Variants in NTRK2 observed in about 807,000 individuals in gnomAD.
The protein encoded by NTRK2 is BDNF/NT-3 growth factors receptor.
NTRK2 carries 13 observed loss-of-function variants against 94.5 expected under a neutral mutation model. The ratio of observed to expected loss-of-function variants is 0.14; its 90% CI spans 0.09 to 0.22. The LOEUF (loss-of-function observed/expected upper bound fraction) is 0.22, where lower values mean the gene tolerates loss of function less well. Among genes scored for constraint, NTRK2 ranks in the 10% least tolerant of loss-of-function variants. The pLI, the probability that NTRK2 is intolerant of heterozygous loss-of-function variation, is 1.00. For synonymous variants in NTRK2, 372 were observed against 407.4 expected (o/e 0.91, Z 1.05); for missense variants, 639 against 1,071.2 (o/e 0.60, Z 5.63).
intron 6 of NTRK2, among the ~76,000 whole-genome samples, chr9:84,717,300 AAACCCAACCTT>A (rs1384909481): frequency 2.6e-5 from 4 of 152,234 alleles, no homozygotes; most frequent in Admixed American, 2.0e-4. Flanking sequence ...AATGTTAGTA[AAACCCAACCTT>A]AACCCATCTT....
chr9:84,988,047 A>G (rs1483425147), intron 17 of NTRK2, among the ~76,000 whole-genome samples: 3 of 152,212 alleles, frequency 2.0e-5, no homozygotes, highest in Non-Finnish European at 4.4e-5. Context: ...CAATAGATAT[A>G]GTTCCACCCT....
intron 9 of NTRK2, among the ~76,000 whole-genome samples, 189 bp downstream of exon 9, chr9:84,728,148 C>A (rs908032154): frequency 1.3e-5 from 2 of 152,132 alleles, no homozygotes; most frequent in East Asian, 1.9e-4. Context: ...AATTCAGGGT[C>A]ATGAAGCAGC....
intron 17 of NTRK2, among the ~76,000 whole-genome samples, chr9:85,012,019 C>T (rs983265239): frequency 1.7e-5 from 1 of 60,026 alleles, no homozygotes; most frequent in African/African-American, 5.4e-5. Flanking sequence ...GATGGAGTCT[C>T]ACTCTGTCAC....
intron 17 of NTRK2, among the ~76,000 whole-genome samples, chr9:84,967,356 G>T (rs1180052549): frequency 1.3e-5 from 2 of 152,248 alleles, no homozygotes; most frequent in Non-Finnish European, 2.9e-5. Context: ...CTGCATGGTT[G>T]TGTATCTGTG....
chr9:84,781,523 A>T (rs1456396347), intron 12 of NTRK2, among the ~76,000 whole-genome samples: 1 of 152,144 alleles, frequency 6.6e-6, no homozygotes, highest in South Asian at 2.1e-4. Flanking sequence ...TGAAAATGTG[A>T]ATTTTGAGAT....
chr9:84,828,845 G>A (rs540520615), intron 12 of NTRK2, among the ~76,000 whole-genome samples: 41 of 152,188 alleles, frequency 2.7e-4, no homozygotes, highest in Non-Finnish European at 5.7e-4. Flanking sequence ...TAGTGCAGTA[G>A]GCTCCTGGGG....
chr9:84,938,747 C>G (rs1049959229), intron 15 of NTRK2, among the ~76,000 whole-genome samples: 1 of 151,976 alleles, frequency 6.6e-6, no homozygotes, highest in East Asian at 1.9e-4. Flanking sequence ...AAAATAATAG[C>G]CTTTTGATAA....
At chr9:84,973,964 T>C (rs1014955165) in intron 17 of NTRK2, among the ~76,000 whole-genome samples, 1 of 141,678 alleles carries the variant, frequency 7.1e-6, no homozygotes, top group Non-Finnish European at 1.5e-5. Context: ...TATTTCTTTG[T>C]CGACTGTTTA....
intron 17 of NTRK2, among the ~76,000 whole-genome samples, chr9:84,987,649 T>C (rs766731039): frequency 6.6e-6 from 1 of 151,998 alleles, no homozygotes; most frequent in Non-Finnish European, 1.5e-5. Flanking sequence ...AACTAAGCAA[T>C]GGTAAACATG....
At chr9:84,780,909 CTT>C (rs2067500204) in intron 12 of NTRK2, among the ~76,000 whole-genome samples, 1 of 152,052 alleles carries the variant, frequency 6.6e-6, no homozygotes, top group Non-Finnish European at 1.5e-5. Context: ...GTATGGCAGA[CTT>C]TGTGATATTT....
chr9:84,957,595 T>A (rs1042291403), intron 17 of NTRK2, among the ~76,000 whole-genome samples: 2 of 152,138 alleles, frequency 1.3e-5, no homozygotes, highest in Non-Finnish European at 2.9e-5. Context: ...CAATAGCAAG[T>A]GTTAGCCAGG....
chr9:84,948,068 T>G (rs1043250988), intron 15 of NTRK2, among the ~76,000 whole-genome samples: 1 of 152,244 alleles, frequency 6.6e-6, no homozygotes, highest in African/African-American at 2.4e-5. Context: ...CACTGTACTC[T>G]TCTTTCTACT....
chr9:84,943,421 G>A (rs1030109890), intron 15 of NTRK2, among the ~76,000 whole-genome samples: 1 of 152,108 alleles, frequency 6.6e-6, no homozygotes, highest in Non-Finnish European at 1.5e-5. Context: ...TTTCATGCTA[G>A]TGCATTATTT....
chr9:84,966,910 C>T (rs1449739974), intron 17 of NTRK2, among the ~76,000 whole-genome samples: 1 of 152,134 alleles, frequency 6.6e-6, no homozygotes, highest in East Asian at 1.9e-4. Context: ...CTTGACTTTC[C>T]TGAGAGAGAT....
At position 84,962,008 on chromosome 9, in the gene NTRK2, G is replaced by A. The variant is rs1824997155; in HGVS notation, c.2172+6491G>A. On this transcript the variant is annotated intron_variant, in intron 17 of 18. Transcript: ENST00000277120. The stretch of plus-strand genomic sequence containing the variant: ...GTGGGGTCTTCTTTGCTATTCTTCT[G>A]AGGCTATCAAAATACGCTCTTGAGG... Among the ~76,000 whole-genome samples the A allele has an allele frequency of 2.0e-5, 3 of 152,212 alleles. No individual in the cohort carries two copies. The South Asian group carries it at 6.2e-4, about 32-fold the overall frequency.
At chr9:84,957,584 A>G (rs776976442) in intron 17 of NTRK2, among the ~76,000 whole-genome samples, 12 of 152,226 alleles carry the variant, frequency 7.9e-5, no homozygotes, top group Non-Finnish European at 1.6e-4. Flanking sequence ...TGAGATGACT[A>G]CAATAGCAAG....
chr9:84,975,069 G>A (rs1009852476), intron 17 of NTRK2, among the ~76,000 whole-genome samples: 8 of 152,068 alleles, frequency 5.3e-5, no homozygotes, highest in African/African-American at 7.2e-5. Flanking sequence ...CTTGGAAGGC[G>A]GCACCCTCCC....
At chr9:85,010,022 C>G (rs1353038717) in intron 17 of NTRK2, among the ~76,000 whole-genome samples, 1 of 152,166 alleles carries the variant, frequency 6.6e-6, no homozygotes, top group Non-Finnish European at 1.5e-5. Flanking sequence ...AATGAAGAAG[C>G]TGGGATTGAT....
At chr9:84,962,764 T>C (rs985138464) in intron 17 of NTRK2, among the ~76,000 whole-genome samples, 1 of 152,160 alleles carries the variant, frequency 6.6e-6, no homozygotes, top group Non-Finnish European at 1.5e-5. Context: ...GACCAGAGCC[T>C]CTTCTAAAAG....
Sources: allele counts gnomAD v4.1 joint callset (sites outside exome capture counted in the v4.1 genomes callset), GRCh38; gene constraint gnomAD v4.1.1; transcripts MANE v1.5; gene names NCBI Gene and HGNC (gene_info 2026-07-23, HGNC 2026-07-21).